The following ALDH1A3 variants were observed in gnomAD, a reference collection of about 807,000 sequenced individuals.
The protein encoded by ALDH1A3 is retinaldehyde dehydrogenase 3.
Under a neutral mutation model 57.5 loss-of-function variants are expected in ALDH1A3, and 28 were observed. That is an observed-to-expected ratio of 0.49 (90% CI 0.36 to 0.67). The LOEUF is 0.67. Ranked by LOEUF, ALDH1A3 falls within the 30% of genes least tolerant of loss-of-function variation. The pLI is 0.00. For synonymous variants in ALDH1A3, 281 were observed against 264.8 expected, an observed-to-expected ratio of 1.06 and a Z score of -0.59; for missense variants, 507 against 669.4, an observed-to-expected ratio of 0.76 and a Z score of 2.68.
intron 12 of ALDH1A3, among the ~76,000 whole-genome samples, chr15:100,910,913 C>A (rs548896684): frequency 6.6e-6 from 1 of 152,188 alleles, no homozygotes; most frequent in Non-Finnish European, 1.5e-5. Context: ...TGGTGATTCA[C>A]CCTCATTGCA....
chr15:100,905,171 C>G (rs554469065), intron 9 of ALDH1A3, among the ~76,000 whole-genome samples: 7 of 152,208 alleles, frequency 4.6e-5, no homozygotes, highest in African/African-American at 1.7e-4. Flanking sequence ...CTAAATTTGG[C>G]AACCTGAGTA....
rs756414694 is a variant in ALDH1A3 at position 100,887,157 on chromosome 15, C to T, written c.205-415C>T. Among the ~76,000 whole-genome samples, 3 of 152,216 alleles carry T rather than the reference C, an allele frequency of 2.0e-5. No homozygotes were observed. Among genetic ancestry groups the T allele is most frequent in the Admixed American group, 6.5e-5 (1 of 15,284 alleles). On this transcript the variant is annotated intron_variant, in intron 2 of 12. Transcript: ENST00000329841. The surrounding 1 kb of genome is among the most constrained non-coding windows in gnomAD (Gnocchi z 4.6). ...AAAAAATCACTTGAACGCTCCCAGC[C>T]ATTCAAGTGATTGAAAAACATGCTG...
At position 100,915,187 on chromosome 15, in the gene ALDH1A3, C is replaced by A. The variant is rs568491784; in HGVS notation, c.*414C>A. On this transcript the variant is annotated 3_prime_UTR_variant, in exon 13 of 13. Transcript: ENST00000329841. ...TCTGCAAGCAGGGCTCTTGCACCAGCGGTCTCCTCAGGGTGGACCTGCTTA... is the reference window on the plus strand; with the variant it reads ...TCTGCAAGCAGGGCTCTTGCACCAGAGGTCTCCTCAGGGTGGACCTGCTTA... 2.2e-5 allele frequency: 4 copies of A among 185,680 alleles called. No homozygotes were observed. The highest frequency in any genetic ancestry group is 1.3e-4 in the South Asian group (1 of 7,866). 11.5% of individuals were successfully genotyped at this position (185,680 alleles called of 1,614,324 possible).
intron 12 of ALDH1A3, chr15:100,913,983 G>A (rs1480541671): frequency 1.3e-5 from 2 of 152,262 alleles, no homozygotes; most frequent in Non-Finnish European, 2.9e-5. Flanking sequence ...GGTCTTGGAA[G>A]GGAAGCTACC....
In ALDH1A3 at chr15:100,915,023, C is replaced by A. The variant is rs2041917522; in HGVS notation, c.*250C>A. 2.0e-6 allele frequency: 1 copy of A among 506,300 alleles called. No homozygotes were observed. Among genetic ancestry groups the A allele is most frequent in the Non-Finnish European group, 3.6e-6 (1 of 278,972 alleles). The allele number at this position is 506,300 out of a possible 1,614,324, so 31.4% of individuals were successfully genotyped here. On this transcript the variant is annotated 3_prime_UTR_variant, in exon 13 of 13. Transcript: ENST00000329841. ...GGAGCTGTTGGCCATTTCTGTGTTT[C>A]CCTTTAAACCAGATCCTGGAGACAG... is the stretch of plus-strand genomic sequence containing the variant.
chr15:100,889,728 G>A lies in ALDH1A3; in HGVS notation c.345+2016G>A, dbSNP rs866795196. 4.6e-5 allele frequency among the ~76,000 whole-genome samples: 7 copies of A among 152,244 alleles called. 1 individual carries two copies. Among genetic ancestry groups the A allele is most frequent in the South Asian group, 4.2e-4 (2 of 4,818 alleles). ...TCAGGCTGCCCCATTGTCCTGGCAC[G>A]ACTGTGTTTTGATAGCAGACAGCTT... is the stretch of plus-strand genomic sequence containing the variant. On this transcript the variant is annotated intron_variant, in intron 3 of 12. Transcript: ENST00000329841. The surrounding 1 kb of genome is among the most constrained non-coding windows in gnomAD (Gnocchi z 5.1).
At chr15:100,881,809 C>T (rs1019403451) in intron 1 of ALDH1A3, among the ~76,000 whole-genome samples, 1 of 152,146 alleles carries the variant, frequency 6.6e-6, no homozygotes, top group Non-Finnish European at 1.5e-5. Context: ...GCTCCTCACC[C>T]GTTGGGGGAC....
chr15:100,915,421 A>G lies in ALDH1A3; in HGVS notation c.*648A>G, dbSNP rs148285612. The G allele has an allele frequency of 5.4e-3, 817 of 152,448 alleles. 7 individuals carry two copies. Among genetic ancestry groups the G allele is most frequent in the Middle Eastern group, 0.01 (3 of 294 alleles). The allele number at this position is 152,448 out of a possible 1,614,324, so 9.4% of individuals were successfully genotyped here. A position where few individuals can be genotyped will look rare whatever the true frequency, so the allele number is the denominator to read the frequency against. On this transcript the variant is annotated 3_prime_UTR_variant, in exon 13 of 13. Coordinates refer to ENST00000329841, the MANE Select transcript of ALDH1A3 (RefSeq NM_000693.4). Reference sequence around the variant, plus strand: ...ACATTGACCGTGAGATTCGGCTTCAAACCAATACTGCCTTTGGAATATGAC... The same window carrying G: ...ACATTGACCGTGAGATTCGGCTTCAGACCAATACTGCCTTTGGAATATGAC...
At chr15:100,897,966 C>T (rs920340910) in intron 7 of ALDH1A3, 117 bp from the exon 8 acceptor site, 33 of 894,684 alleles carry the variant, frequency 3.7e-5, no homozygotes, top group African/African-American at 2.3e-4. Context: ...GCGCCTGGGC[C>T]GAGAGCCAGG....
At chr15:100,892,228 C>T in intron 3 of ALDH1A3, 1 of 385,464 alleles carries the variant, frequency 2.6e-6, no homozygotes, top group Non-Finnish European at 4.7e-6. Flanking sequence ...TTTAAATCCG[C>T]CTGGCCTCCA....
intron 1 of ALDH1A3, among the ~76,000 whole-genome samples, chr15:100,882,259 C>T (rs1161531424): frequency 6.6e-6 from 1 of 152,226 alleles, no homozygotes. Context: ...CTTCATTTGT[C>T]CTCACATGTT....
At chr15:100,907,427 C>T (rs2141570622) in intron 11 of ALDH1A3, 149 bp downstream of exon 11, 1 of 926,698 alleles carries the variant, frequency 1.1e-6, no homozygotes, top group East Asian at 2.6e-5. Context: ...TCATGACCAT[C>T]TTCTGAGGTA....
At chr15:100,912,750 A>T (rs1038353347) in intron 12 of ALDH1A3, among the ~76,000 whole-genome samples, 2 of 152,128 alleles carry the variant, frequency 1.3e-5, no homozygotes, top group Admixed American at 1.3e-4. Context: ...TTCCTATTTG[A>T]TAGTTGATGA....
chr15:100,901,092 G>T (rs2041763596), intron 9 of ALDH1A3, among the ~76,000 whole-genome samples: 1 of 152,152 alleles, frequency 6.6e-6, no homozygotes, highest in South Asian at 2.1e-4. Context: ...GCAGCGTGTG[G>T]CCTGGAGTCT....
chr15:100,907,397 C>T, intron 11 of ALDH1A3, 119 bp downstream of exon 11: 1 of 1,144,780 alleles, frequency 8.7e-7, no homozygotes, highest in Non-Finnish European at 1.2e-6. Context: ...CAAGCCCTGT[C>T]TCAGTGCTTC....
In ALDH1A3 at chr15:100,896,679, C is replaced by T. The variant is rs545276053; in HGVS notation, c.780+633C>T. Among the ~76,000 whole-genome samples the T allele has an allele frequency of 1.4e-3, 206 of 152,234 alleles. 2 individuals are homozygous for T. The highest frequency in any genetic ancestry group is 6.8e-3 in the Middle Eastern group (2 of 292). ...CCAACATTTAAAGTGAAAAACTTTT[C>T]GATTCAGAAGCTCCATTTCAAAAAA... On this transcript the variant is annotated intron_variant, in intron 7 of 12. Coordinates refer to ENST00000329841, the MANE Select transcript of ALDH1A3 (RefSeq NM_000693.4).
In ALDH1A3 at chr15:100,906,651, T is replaced by C. The variant is rs77205335; in HGVS notation, c.1234-470T>C. Among the ~76,000 whole-genome samples the C allele has an allele frequency of 0.032, 4,799 of 152,314 alleles. 245 individuals are homozygous for C. The highest frequency in any genetic ancestry group is 0.11 in the African/African-American group (4,525 of 41,548). Reference sequence around the variant, plus strand: ...GTCACAAACTGTGGTGAATATTGTGTCATTCCTTCCCCTGGTAGTTATTAT... The same window carrying C: ...GTCACAAACTGTGGTGAATATTGTGCCATTCCTTCCCCTGGTAGTTATTAT... On this transcript the variant is annotated intron_variant, in intron 10 of 12. Coordinates refer to ENST00000329841, the MANE Select transcript of ALDH1A3 (RefSeq NM_000693.4). The surrounding 1 kb of genome is among the most constrained non-coding windows in gnomAD (Gnocchi z 4.8).
Position 100,915,911 on chromosome 15 carries a change from C to T in ALDH1A3, c.*1138C>T, listed in dbSNP as rs1416816165. 1.3e-5 allele frequency: 2 copies of T among 152,316 alleles called. No individual in the cohort carries two copies. Among genetic ancestry groups the T allele is most frequent in the East Asian group, 3.9e-4 (2 of 5,190 alleles). The allele number at this position is 152,316 out of a possible 1,614,324, so 9.4% of individuals were successfully genotyped here. A position where few individuals can be genotyped will look rare whatever the true frequency, so the allele number is the denominator to read the frequency against. ...GCAGGTTGTGAATTTTTCTTTTCCT[C>T]TTTGGGGATCCAAATGATGATGTGC... is the stretch of plus-strand genomic sequence containing the variant. On this transcript the variant is annotated 3_prime_UTR_variant, in exon 13 of 13. Transcript: ENST00000329841.
At chr15:100,904,296 T>A (rs1226919506) in intron 9 of ALDH1A3, among the ~76,000 whole-genome samples, 1 of 152,156 alleles carries the variant, frequency 6.6e-6, no homozygotes. Flanking sequence ...TGGATCTGAG[T>A]CAGTATTTTT....
Sources: gnomAD v4.1 joint callset for allele counts (sites outside exome capture counted in the v4.1 genomes callset) on GRCh38, gnomAD v4.1.1 for gene constraint, Gnocchi (gnomAD v3.1) non-coding constraint, MANE v1.5 for transcripts, NCBI Gene and HGNC (gene_info 2026-07-23, HGNC 2026-07-21) for gene names.